The following BTRC variants were observed in gnomAD, a reference collection of about 807,000 sequenced individuals.
The protein encoded by BTRC is F-box/WD repeat-containing protein 1A.
BTRC carries 42 observed loss-of-function variants against 85.5 expected under a neutral mutation model. The ratio of observed to expected loss-of-function variants is 0.49; its 90% CI spans 0.38 to 0.64. The LOEUF is 0.64. Among genes scored for constraint, BTRC ranks in the 30% least tolerant of loss-of-function variants. BTRC has a pLI of 0.00. For synonymous variants in BTRC, 255 were observed against 263.3 expected, an observed-to-expected ratio of 0.97 and a Z score of 0.30; for missense variants, 594 against 743.5, an observed-to-expected ratio of 0.80 and a Z score of 2.34.
chr10:101,553,001 C>T (rs1054078040), intron 14 of BTRC, among the ~76,000 whole-genome samples, 154 bp from the exon 15 acceptor site: 14 of 152,212 alleles, frequency 9.2e-5, no homozygotes, highest in African/African-American at 3.4e-4. Flanking sequence ...TCACCTTTGA[C>T]AGAAGCTCCT....
chr10:101,535,542 A>T, intron 11 of BTRC, 70 bp downstream of exon 11: 2 of 1,030,498 alleles, frequency 1.9e-6, no homozygotes, highest in Non-Finnish European at 2.8e-6. Flanking sequence ...TGCACAGATC[A>T]TACAAGTCTT....
intron 1 of BTRC, among the ~76,000 whole-genome samples, chr10:101,409,927 G>T (rs1047401455): frequency 6.6e-6 from 1 of 152,140 alleles, no homozygotes; most frequent in Non-Finnish European, 1.5e-5. Context: ...TATATACCTA[G>T]AAGTAGGTAT....
intron 1 of BTRC, among the ~76,000 whole-genome samples, chr10:101,404,030 A>ATCTTTTTTT (rs1232082481): frequency 3.9e-5 from 1 of 25,424 alleles, no homozygotes; most frequent in African/African-American, 1.9e-4. Context: ...ATATATATAT[A>ATCTTTTTTT]TTTTTTTTTT....
chr10:101,515,935 A>G (rs1000490057), intron 4 of BTRC, among the ~76,000 whole-genome samples: 3 of 152,200 alleles, frequency 2.0e-5, no homozygotes, highest in Admixed American at 6.5e-5. Flanking sequence ...CAGGGTGACT[A>G]GTGACCTGAA....
intron 1 of BTRC, among the ~76,000 whole-genome samples, chr10:101,390,339 T>C (rs1355807986): frequency 7.8e-6 from 1 of 127,422 alleles, no homozygotes; most frequent in Non-Finnish European, 1.9e-5. Context: ...GTATGATTTT[T>C]TTTTTTTTTT....
intron 4 of BTRC, among the ~76,000 whole-genome samples, chr10:101,499,166 A>G (rs1946340691): frequency 6.6e-6 from 1 of 152,158 alleles, no homozygotes; most frequent in African/African-American, 2.4e-5. Context: ...AAAGAAGGCA[A>G]CTAACTTGTT....
chr10:101,543,581 TTTGCTTTTGTTTG>T (rs1257843242), intron 13 of BTRC, among the ~76,000 whole-genome samples: 1 of 151,776 alleles, frequency 6.6e-6, no homozygotes, highest in African/African-American at 2.4e-5. Flanking sequence ...TTTTCCATTT[TTTGCTTTTGTTTG>T]TTACCTCCTG....
At chr10:101,525,189 G>C (rs1408008464) in intron 5 of BTRC, among the ~76,000 whole-genome samples, 1 of 152,166 alleles carries the variant, frequency 6.6e-6, no homozygotes, top group Non-Finnish European at 1.5e-5. Context: ...CCTCAGTACA[G>C]ATTTGGGTGG....
rs1564730508 is a variant in BTRC at position 101,366,947 on chromosome 10, TTTA to T, written c.48+12721_48+12723del. ...ATATATTTATATATATTTATATATA[TTTA>T]TATATATATTTATATAAATATATAT... On this transcript the variant is annotated intron_variant, in intron 1 of 14. Transcript: ENST00000370187. 6.6e-4 allele frequency among the ~76,000 whole-genome samples: 28 copies of T among 42,118 alleles called. 6 individuals are homozygous for T. Among genetic ancestry groups the T allele is most frequent in the African/African-American group, 5.1e-4 (6 of 11,696 alleles). The allele number at this position is 42,118 out of a possible 152,430, so 27.6% of individuals were successfully genotyped here.
chr10:101,539,087 T>TC (rs2062429902), intron 13 of BTRC, among the ~76,000 whole-genome samples: 1 of 150,998 alleles, frequency 6.6e-6, no homozygotes, highest in Non-Finnish European at 1.5e-5. Flanking sequence ...TCTGCATGAA[T>TC]CCCCCTGGTC....
intron 14 of BTRC, among the ~76,000 whole-genome samples, chr10:101,552,541 C>T (rs554220903): frequency 6.6e-6 from 1 of 152,160 alleles, no homozygotes; most frequent in Admixed American, 6.5e-5. Flanking sequence ...AGGCTGCCTT[C>T]TCTATTCCCA....
At position 101,435,159 on chromosome 10, in the gene BTRC, A is replaced by G. The variant is rs563642349; in HGVS notation, c.156+4707A>G. On this transcript the variant is annotated intron_variant, in intron 2 of 14. Transcript: ENST00000370187. The stretch of plus-strand genomic sequence containing the variant: ...TTTGCATCCTTCTGGTTTAGGTTTT[A>G]TTTTATTTACCTAGATTTTTATTTA... 2.6e-5 allele frequency among the ~76,000 whole-genome samples: 4 copies of G among 152,106 alleles called. No individual in the cohort carries two copies. The East Asian group carries it at 5.8e-4, about 22-fold the overall frequency.
At chr10:101,467,021 T>C (rs1945390188) in intron 3 of BTRC, among the ~76,000 whole-genome samples, 1 of 152,118 alleles carries the variant, frequency 6.6e-6, no homozygotes, top group East Asian at 1.9e-4. Context: ...GAAAATGACA[T>C]TATAGTGTGT....
intron 1 of BTRC, among the ~76,000 whole-genome samples, chr10:101,416,890 A>G (rs575075366): frequency 2.0e-5 from 3 of 152,306 alleles, no homozygotes; most frequent in Admixed American, 6.5e-5. Context: ...TTAGTCTGAT[A>G]ATAATTACTA....
chr10:101,439,422 C>T (rs1300659631), intron 2 of BTRC, among the ~76,000 whole-genome samples: 1 of 152,194 alleles, frequency 6.6e-6, no homozygotes, highest in East Asian at 1.9e-4. Context: ...ACTCTGATTG[C>T]TGTTCCCTTT....
intron 13 of BTRC, among the ~76,000 whole-genome samples, chr10:101,547,794 G>T (rs545464171): frequency 1.3e-5 from 2 of 152,110 alleles, no homozygotes; most frequent in African/African-American, 4.8e-5. Flanking sequence ...TGTATGAAAA[G>T]AATTATACAC....
At chr10:101,493,762 A>G (rs1272567983) in intron 4 of BTRC, among the ~76,000 whole-genome samples, 2 of 152,210 alleles carry the variant, frequency 1.3e-5, no homozygotes, top group African/African-American at 4.8e-5. Flanking sequence ...AAACGCCTCA[A>G]TTAGCAGCCA....
chr10:101,419,186 TTTTTAG>T (rs1230930110), intron 1 of BTRC, among the ~76,000 whole-genome samples: 2 of 152,038 alleles, frequency 1.3e-5, no homozygotes, highest in Non-Finnish European at 2.9e-5. Context: ...AATTTTTATA[TTTTTAG>T]TAGAGACAGG....
intron 4 of BTRC, among the ~76,000 whole-genome samples, chr10:101,481,982 C>G (rs979576650): frequency 1.3e-5 from 2 of 152,156 alleles, no homozygotes; most frequent in African/African-American, 4.8e-5. Context: ...TTGCAACAGT[C>G]TCCAGTGAGG....
Sources: gnomAD v4.1 joint callset for allele counts (sites outside exome capture counted in the v4.1 genomes callset) on GRCh38, gnomAD v4.1.1 for gene constraint, MANE v1.5 for transcripts, NCBI Gene and HGNC (gene_info 2026-07-23, HGNC 2026-07-21) for gene names.